AUTS2: variants seen among roughly 807,000 people sequenced by gnomAD.
AUTS2 encodes activator of transcription and developmental regulator AUTS2.
Under a neutral mutation model 112.4 loss-of-function variants are expected in AUTS2, and 17 were observed. The observed-to-expected ratio is 0.15, with a 90% CI of 0.10 to 0.23. AUTS2 has a LOEUF of 0.23. AUTS2 is among the 10% of genes least tolerant of loss of function. The pLI is 1.00. For synonymous variants in AUTS2, 751 were observed against 702.7 expected, an observed-to-expected ratio of 1.07 and a Z score of -1.09; for missense variants, 1,510 against 1,701.6, an observed-to-expected ratio of 0.89 and a Z score of 1.98.
intron 1 of AUTS2, among the ~76,000 whole-genome samples, chr7:69,863,093 A>G (rs1283015037): frequency 1.3e-5 from 2 of 152,150 alleles, no homozygotes; most frequent in Admixed American, 1.3e-4. Flanking sequence ...TAGGGTGTAC[A>G]TTCTTACATA....
intron 2 of AUTS2, among the ~76,000 whole-genome samples, chr7:70,090,752 C>T (rs1803871862): frequency 6.6e-6 from 1 of 150,774 alleles, no homozygotes; most frequent in Admixed American, 6.6e-5. Flanking sequence ...GATCTCAGCT[C>T]ACTGCCGCCT....
At chr7:69,641,436 A>T (rs1794793142) in intron 1 of AUTS2, among the ~76,000 whole-genome samples, 1 of 150,308 alleles carries the variant, frequency 6.7e-6, no homozygotes, top group Admixed American at 6.6e-5. Context: ...AGGCCTTATC[A>T]TAATCTGCTT....
At chr7:70,169,568 A>G (rs1808564486) in intron 4 of AUTS2, among the ~76,000 whole-genome samples, 2 of 152,278 alleles carry the variant, frequency 1.3e-5, no homozygotes. Context: ...AATTGTGACC[A>G]TGATATTAGC....
chr7:70,758,165 T>C (rs1789341762), intron 6 of AUTS2, among the ~76,000 whole-genome samples: 1 of 152,184 alleles, frequency 6.6e-6, no homozygotes, highest in Non-Finnish European at 1.5e-5. Flanking sequence ...ATGCTCTACG[T>C]TGTACATTCG....
intron 1 of AUTS2, among the ~76,000 whole-genome samples, chr7:69,878,428 C>T (rs1390010574): frequency 6.6e-6 from 1 of 152,182 alleles, no homozygotes; most frequent in African/African-American, 2.4e-5. Context: ...AACCAGTGCT[C>T]ACATCCAGGG....
At chr7:69,969,039 T>C (rs1205552288) in intron 2 of AUTS2, among the ~76,000 whole-genome samples, 1 of 152,140 alleles carries the variant, frequency 6.6e-6, no homozygotes, top group African/African-American at 2.4e-5. Flanking sequence ...TTGGGAAAGA[T>C]TGTGGTTTGG....
At chr7:70,450,447 G>T (rs1314804462) in intron 5 of AUTS2, among the ~76,000 whole-genome samples, 2 of 152,144 alleles carry the variant, frequency 1.3e-5, no homozygotes, top group Admixed American at 6.5e-5. Context: ...ACAGGCAAAG[G>T]GGATATCATT....
intron 1 of AUTS2, among the ~76,000 whole-genome samples, chr7:69,781,139 TC>T (rs1197583871): frequency 2.0e-5 from 3 of 152,242 alleles, no homozygotes; most frequent in Non-Finnish European, 4.4e-5. Flanking sequence ...TTTTCTGTTT[TC>T]TACCGTATTA....
chr7:70,603,396 C>T (rs1222141941), intron 5 of AUTS2, among the ~76,000 whole-genome samples: 1 of 152,154 alleles, frequency 6.6e-6, no homozygotes, highest in African/African-American at 2.4e-5. Context: ...TGGACAGAGC[C>T]ACACCTTTGA....
At chr7:70,426,898 T>C (rs998797013) in intron 4 of AUTS2, among the ~76,000 whole-genome samples, 5 of 152,168 alleles carry the variant, frequency 3.3e-5, no homozygotes, top group Non-Finnish European at 7.3e-5. Context: ...ACCCATAACA[T>C]ACTTTTCCTT....
At chr7:69,764,298 G>T (rs1168671231) in intron 1 of AUTS2, among the ~76,000 whole-genome samples, 1 of 152,080 alleles carries the variant, frequency 6.6e-6, no homozygotes, top group African/African-American at 2.4e-5. Context: ...TTGCTAGCTG[G>T]GATGAACACT....
At chr7:70,265,567 CTTTG>C (rs988366624) in intron 4 of AUTS2, among the ~76,000 whole-genome samples, 7 of 151,960 alleles carry the variant, frequency 4.6e-5, no homozygotes, top group Admixed American at 3.3e-4. Context: ...GGATGTCATT[CTTTG>C]TTTGTTTGTT....
At chr7:70,408,348 G>A (rs1794631173) in intron 4 of AUTS2, among the ~76,000 whole-genome samples, 1 of 152,170 alleles carries the variant, frequency 6.6e-6, no homozygotes. Context: ...ACATTAGGAT[G>A]AGAGGAAACT....
At chr7:70,162,878 A>G (rs972508911) in intron 4 of AUTS2, among the ~76,000 whole-genome samples, 3 of 152,168 alleles carry the variant, frequency 2.0e-5, no homozygotes, top group Non-Finnish European at 2.9e-5. Flanking sequence ...CTTTCCATGC[A>G]TATATATTGA....
intron 4 of AUTS2, among the ~76,000 whole-genome samples, chr7:70,396,271 A>G (rs1456687751): frequency 6.6e-6 from 1 of 151,992 alleles, no homozygotes; most frequent in East Asian, 1.9e-4. Context: ...TACCTGATAT[A>G]CCTTCTGTCA....
At chr7:70,209,901 T>C (rs997492282) in intron 4 of AUTS2, among the ~76,000 whole-genome samples, 2 of 152,156 alleles carry the variant, frequency 1.3e-5, no homozygotes, top group Non-Finnish European at 2.9e-5. Context: ...CCAAAAAGAA[T>C]ATATTTTTTT....
rs552265119 is a variant in AUTS2 at position 70,347,345 on chromosome 7, C to T, written c.661-88407C>T. 5.3e-5 allele frequency among the ~76,000 whole-genome samples: 8 copies of T among 152,272 alleles called. 1 individual carries two copies. The South Asian group carries it at 1.7e-3, about 32-fold the overall frequency. On this transcript the variant is annotated intron_variant, in intron 4 of 18. Coordinates refer to ENST00000342771, the MANE Select transcript of AUTS2 (RefSeq NM_015570.4). ...TCCATACATTGTTTCCTGTGTGTGT[C>T]TGTTTCTTCCATTAGACTATAATTT...
At chr7:70,115,607 C>G (rs1805316476) in intron 2 of AUTS2, among the ~76,000 whole-genome samples, 1 of 152,226 alleles carries the variant, frequency 6.6e-6, no homozygotes. Context: ...TACTTCATGT[C>G]AAATGTAAAC....
intron 2 of AUTS2, among the ~76,000 whole-genome samples, chr7:70,055,207 G>A (rs1801938457): frequency 6.6e-6 from 1 of 152,142 alleles, no homozygotes; most frequent in Admixed American, 6.5e-5. Context: ...GGCCGAGGCG[G>A]GTGGATCACC....
Sources: allele counts gnomAD v4.1 joint callset (sites outside exome capture counted in the v4.1 genomes callset), GRCh38; gene constraint gnomAD v4.1.1; transcripts MANE v1.5; gene names NCBI Gene and HGNC (gene_info 2026-07-23, HGNC 2026-07-21).